The following CA10 variants were observed in gnomAD, a reference collection of about 807,000 sequenced individuals.
CA10 encodes the protein carbonic anhydrase 10 (inactive).
In CA10, 14 loss-of-function variants were observed where a neutral mutation model predicts 44.2. The ratio of observed to expected loss-of-function variants is 0.32; its 90% CI spans 0.21 to 0.50. The LOEUF (loss-of-function observed/expected upper bound fraction) is 0.50, where lower values mean the gene tolerates loss of function less well. Ranked by LOEUF, CA10 falls within the 20% of genes least tolerant of loss-of-function variation. CA10 has a pLI of 0.99. For synonymous variants in CA10, 159 were observed against 141.6 expected, an observed-to-expected ratio of 1.12 and a Z score of -0.87; for missense variants, 350 against 409.7, an observed-to-expected ratio of 0.85 and a Z score of 1.26.
chr17:51,894,074 C>A (rs1446445500), intron 3 of CA10, among the ~76,000 whole-genome samples: 1 of 152,074 alleles, frequency 6.6e-6, no homozygotes, highest in Non-Finnish European at 1.5e-5. Context: ...TTGTGTTTGG[C>A]AGATCTGAAT....
intron 3 of CA10, among the ~76,000 whole-genome samples, chr17:51,800,118 A>G (rs979066793): frequency 6.6e-6 from 1 of 152,258 alleles, no homozygotes; most frequent in African/African-American, 2.4e-5. Context: ...TCAACTGATT[A>G]GTAGAAAATA....
intron 3 of CA10, among the ~76,000 whole-genome samples, chr17:51,920,043 A>G (rs1251601632): frequency 6.6e-6 from 1 of 152,190 alleles, no homozygotes; most frequent in Non-Finnish European, 1.5e-5. Flanking sequence ...ATTCCTGGAA[A>G]ACATTCTCTC....
chr17:51,819,899 TTTCTCTGTCTCTG>T (rs1907698150), intron 3 of CA10, among the ~76,000 whole-genome samples: 1 of 152,158 alleles, frequency 6.6e-6, no homozygotes, highest in Non-Finnish European at 1.5e-5. Flanking sequence ...TGTTTCTCGA[TTTCTCTGTCTCTG>T]TCTGCCTGTT....
chr17:51,756,611 A>G (rs538002251), intron 3 of CA10, among the ~76,000 whole-genome samples: 213 of 151,668 alleles, frequency 1.4e-3, no homozygotes, highest in African/African-American at 4.8e-3. Context: ...CTGGGACTAC[A>G]GGCGCCCGCC....
chr17:52,132,437 T>C (rs1261756094), intron 1 of CA10, among the ~76,000 whole-genome samples: 2 of 152,200 alleles, frequency 1.3e-5, no homozygotes, highest in East Asian at 1.9e-4. Flanking sequence ...GTGCTACTCA[T>C]GGAACTGTTG....
chr17:51,769,196 C>G (rs1905503056), intron 3 of CA10, among the ~76,000 whole-genome samples: 1 of 152,096 alleles, frequency 6.6e-6, no homozygotes, highest in Admixed American at 6.5e-5. Context: ...AGATTACACC[C>G]CAGGATCCAT....
chr17:51,773,441 A>G (rs1055305311), intron 3 of CA10, among the ~76,000 whole-genome samples: 6 of 152,220 alleles, frequency 3.9e-5, no homozygotes, highest in African/African-American at 1.4e-4. Context: ...AGAAGGATGA[A>G]GTAGACATTC....
chr17:51,692,634 T>A (rs1340367599), intron 4 of CA10, among the ~76,000 whole-genome samples: 1 of 152,212 alleles, frequency 6.6e-6, no homozygotes, highest in African/African-American at 2.4e-5. Context: ...TCATTTCTGT[T>A]TATCAATGAA....
chr17:51,699,250 G>A (rs1312436412), intron 4 of CA10, among the ~76,000 whole-genome samples: 1 of 151,694 alleles, frequency 6.6e-6, no homozygotes, highest in African/African-American at 2.4e-5. Flanking sequence ...TTGAACCCAG[G>A]AGGTGGACCT....
chr17:51,779,392 A>C (rs147948981), intron 3 of CA10, among the ~76,000 whole-genome samples: 44 of 152,234 alleles, frequency 2.9e-4, no homozygotes, highest in African/African-American at 9.6e-4. Flanking sequence ...ATTAATATTG[A>C]TTAAGAAACA....
intron 3 of CA10, among the ~76,000 whole-genome samples, chr17:51,837,542 G>A (rs1417392296): frequency 6.6e-6 from 1 of 152,164 alleles, no homozygotes; most frequent in African/African-American, 2.4e-5. Context: ...TGACATTGGT[G>A]GTACAAGTCA....
At chr17:51,752,920 A>AAAAT (rs111991297) in intron 3 of CA10, among the ~76,000 whole-genome samples, 1,920 of 152,200 alleles carry the variant, frequency 0.013, 46 homozygotes, top group African/African-American at 0.044. Flanking sequence ...CTGCATCTCA[A>AAAAT]AAATAAATAA....
rs937172217 is a variant in CA10 at position 52,157,919 on chromosome 17, C to T, written c.-133G>A. ...CACACTCGCACTCCCACCCGACAGC[C>T]GGCCAGGGACAGTCACCCCCAAGAT... On this transcript the variant is annotated 5_prime_UTR_variant, in exon 1 of 9. Transcript: ENST00000451037. 3 of 747,980 alleles carry T rather than the reference C, an allele frequency of 4.0e-6. No homozygotes were observed. Among genetic ancestry groups the T allele is most frequent in the Non-Finnish European group, 7.3e-6 (3 of 413,484 alleles). The allele number at this position is 747,980 out of a possible 1,614,324, so 46.3% of individuals were successfully genotyped here. A position where few individuals can be genotyped will look rare whatever the true frequency, so the allele number is the denominator to read the frequency against.
intron 3 of CA10, among the ~76,000 whole-genome samples, chr17:51,883,043 A>G (rs1212119811): frequency 6.6e-6 from 1 of 152,170 alleles, no homozygotes; most frequent in Non-Finnish European, 1.5e-5. Flanking sequence ...ACACTAAACT[A>G]TTAGTGGTGG....
At chr17:51,820,423 G>A (rs1001130363) in intron 3 of CA10, among the ~76,000 whole-genome samples, 1 of 18,452 alleles carries the variant, frequency 5.4e-5, no homozygotes, top group African/African-American at 2.4e-4. Context: ...CCCCCCGCCC[G>A]CCGATTTTCC....
chr17:52,108,040 C>A (rs994897444), intron 1 of CA10, among the ~76,000 whole-genome samples: 3 of 151,744 alleles, frequency 2.0e-5, no homozygotes, highest in African/African-American at 4.8e-5. Flanking sequence ...AATAAAACGT[C>A]CTTGCATTTA....
At chr17:51,944,275 G>A (rs1283431129) in intron 2 of CA10, among the ~76,000 whole-genome samples, 5 of 152,086 alleles carry the variant, frequency 3.3e-5, no homozygotes, top group Non-Finnish European at 5.9e-5. Context: ...GGACTATCCT[G>A]TTTCTGGAAT....
Position 51,856,823 on chromosome 17 carries a change from G to T in CA10, c.279+74167C>A, listed in dbSNP as rs75111488. 6.6e-3 allele frequency among the ~76,000 whole-genome samples: 1,009 copies of T among 152,256 alleles called. 11 individuals carry two copies. The highest frequency in any genetic ancestry group is 0.023 in the African/African-American group (961 of 41,548). On this transcript the variant is annotated intron_variant, in intron 3 of 8. Transcript: ENST00000451037. ...TTATGAAAGGCTCCAAAGCGGGGGAGGTCAGATGGGGCTCAACAGGCTGAT... is the reference window on the plus strand; with the variant it reads ...TTATGAAAGGCTCCAAAGCGGGGGATGTCAGATGGGGCTCAACAGGCTGAT...
chr17:52,045,820 C>A (rs1351436271), intron 2 of CA10, among the ~76,000 whole-genome samples: 1 of 151,876 alleles, frequency 6.6e-6, no homozygotes, highest in East Asian at 1.9e-4. Context: ...TTCAAGTGCA[C>A]GTGGCATGTT....
Sources: allele counts gnomAD v4.1 joint callset (sites outside exome capture counted in the v4.1 genomes callset), GRCh38; gene constraint gnomAD v4.1.1; transcripts MANE v1.5; gene names NCBI Gene and HGNC (gene_info 2026-07-23, HGNC 2026-07-21).